The following HTR1F variants were observed in gnomAD, a reference collection of about 807,000 sequenced individuals.
HTR1F encodes 5-hydroxytryptamine receptor 1F.
HTR1F carries 17 observed loss-of-function variants against 24.0 expected under a neutral mutation model. The observed-to-expected ratio is 0.71, with a 90% CI of 0.48 to 1.06. The LOEUF is 1.06. Among genes scored for constraint, HTR1F ranks in the 50% least tolerant of loss-of-function variants. The pLI is 0.00. For missense variants in HTR1F, 391 were observed against 427.8 expected (o/e 0.91, Z 0.76); for synonymous variants, 186 against 156.8 (o/e 1.19, Z -1.39).
At chr3:87,986,751 T>C (rs1329256981) in intron 2 of HTR1F, among the ~76,000 whole-genome samples, 2 of 152,200 alleles carry the variant, frequency 1.3e-5, no homozygotes, top group African/African-American at 2.4e-5. Flanking sequence ...TGGAAAGCTA[T>C]TTTTGCTCAT....
chr3:87,882,364 C>T (rs1235393671), intron 2 of HTR1F, among the ~76,000 whole-genome samples: 2 of 152,092 alleles, frequency 1.3e-5, no homozygotes, highest in Non-Finnish European at 2.9e-5. Flanking sequence ...TGGGTATATA[C>T]CCAAAGGACT....
chr3:87,987,746 AATATATGTATTATATATATGTATTTT>A (rs1559660215), intron 2 of HTR1F, among the ~76,000 whole-genome samples: 1 of 140,168 alleles, frequency 7.1e-6, no homozygotes, highest in Non-Finnish European at 1.5e-5. Context: ...ATATATATAA[AATATATGTATTATATATATGTATTTT>A]ATATATGTAT....
chr3:87,853,099 G>T (rs1273570679), intron 2 of HTR1F, among the ~76,000 whole-genome samples: 1 of 150,172 alleles, frequency 6.7e-6, no homozygotes, highest in South Asian at 2.1e-4. Flanking sequence ...CTCCCACTCC[G>T]CTAGTTTCTT....
chr3:87,869,107 T>C (rs1705489341), intron 2 of HTR1F, among the ~76,000 whole-genome samples: 1 of 152,004 alleles, frequency 6.6e-6, no homozygotes, highest in African/African-American at 2.4e-5. Flanking sequence ...AACTTTATTG[T>C]TATCACAACC....
chr3:87,818,969 CCT>C (rs1488699413), intron 1 of HTR1F, among the ~76,000 whole-genome samples: 3 of 152,176 alleles, frequency 2.0e-5, no homozygotes, highest in Admixed American at 2.0e-4. Flanking sequence ...TACCTGCTCC[CCT>C]CTGTCTTCAG....
intron 2 of HTR1F, among the ~76,000 whole-genome samples, chr3:87,931,026 C>CT (rs34617109): frequency 0.39 from 50,721 of 129,288 alleles, 11,417 homozygotes; most frequent in South Asian, 0.59. Flanking sequence ...ATAGTCTTTC[C>CT]TTTTTTTTTT....
intron 2 of HTR1F, among the ~76,000 whole-genome samples, chr3:87,864,044 C>T (rs946064555): frequency 2.0e-5 from 3 of 152,178 alleles, no homozygotes; most frequent in Non-Finnish European, 4.4e-5. Flanking sequence ...TAGTCTTTCT[C>T]ATACTGTATC....
intron 2 of HTR1F, among the ~76,000 whole-genome samples, chr3:87,852,113 T>G (rs1004059998): frequency 4.6e-5 from 7 of 151,692 alleles, no homozygotes; most frequent in Middle Eastern, 6.3e-3. Flanking sequence ...ATTTCCCTGA[T>G]TAATATGAAT....
At chr3:87,912,976 T>C (rs1434288788) in intron 2 of HTR1F, among the ~76,000 whole-genome samples, 2 of 151,968 alleles carry the variant, frequency 1.3e-5, no homozygotes, top group Non-Finnish European at 2.9e-5. Flanking sequence ...AACCCAAAAC[T>C]ATAAAAGTCC....
In HTR1F at chr3:87,881,665, G is replaced by A. The variant is rs1705804732; in HGVS notation, c.-43+59541G>A. On this transcript the variant is annotated intron_variant, in intron 2 of 2. Coordinates refer to ENST00000319595, the MANE Select transcript of HTR1F (RefSeq NM_001322209.2). ...GAAAACTGGCTAGCCATATGTAAAA[G>A]GCTGAAAGTGGATCCCTTCCTTACA... Among the ~76,000 whole-genome samples the A allele has an allele frequency of 5.9e-5, 9 of 152,286 alleles. No individual in the cohort carries two copies. The South Asian group carries it at 1.4e-3, about 25-fold the overall frequency.
At chr3:87,823,927 C>T (rs1380959409) in intron 2 of HTR1F, among the ~76,000 whole-genome samples, 28 of 151,484 alleles carry the variant, frequency 1.8e-4, no homozygotes, top group African/African-American at 6.5e-4. Context: ...GGCATGGTGG[C>T]GCGCCTGTAG....
At chr3:87,797,905 T>C (rs1310327318) in intron 1 of HTR1F, among the ~76,000 whole-genome samples, 1 of 152,114 alleles carries the variant, frequency 6.6e-6, no homozygotes. Context: ...AACCCTTTAA[T>C]AAGTGGTAGG....
At chr3:87,804,321 C>T (rs1274912155) in intron 1 of HTR1F, among the ~76,000 whole-genome samples, 1 of 151,860 alleles carries the variant, frequency 6.6e-6, no homozygotes, top group African/African-American at 2.4e-5. Flanking sequence ...CCTGTGGTCC[C>T]AGCTATTCGG....
At chr3:87,916,417 TCTTAAAAGATACAGAA>T (rs1435534621) in intron 2 of HTR1F, among the ~76,000 whole-genome samples, 4 of 151,234 alleles carry the variant, frequency 2.6e-5, no homozygotes, top group African/African-American at 9.7e-5. Context: ...TAAAGACTCC[TCTTAAAAGATACAGAA>T]CTTCAGAATG....
chr3:87,968,643 AG>A (rs1178638654), intron 2 of HTR1F, among the ~76,000 whole-genome samples: 4 of 152,256 alleles, frequency 2.6e-5, no homozygotes, highest in African/African-American at 9.6e-5. Context: ...GAGCATTAAA[AG>A]TTTGGAAAAT....
intron 2 of HTR1F, among the ~76,000 whole-genome samples, chr3:87,869,443 A>AGATGATAGAT (rs879484093): frequency 1.7e-5 from 2 of 118,052 alleles, no homozygotes; most frequent in African/African-American, 7.7e-5. Context: ...ATACATAGAT[A>AGATGATAGAT]GATAGATAGA....
rs140806211 is a variant in HTR1F at position 87,828,831 on chromosome 3, A to C, written c.-43+6707A>C. 1.1e-3 allele frequency among the ~76,000 whole-genome samples: 167 copies of C among 152,306 alleles called. 1 individual carries two copies. The East Asian group carries it at 0.025, about 23-fold the overall frequency. On this transcript the variant is annotated intron_variant, in intron 2 of 2. Transcript: ENST00000319595. ...GTTACTTGAAAATGTAGATTAATAT[A>C]TTTAATTCAACCTTCTGGACGAAAC...
chr3:87,857,294 A>G (rs1258923029), intron 2 of HTR1F, among the ~76,000 whole-genome samples: 1 of 152,002 alleles, frequency 6.6e-6, no homozygotes, highest in Non-Finnish European at 1.5e-5. Context: ...AAAAAAAAGT[A>G]GAATACAGAT....
At chr3:87,931,821 T>C (rs1376262611) in intron 2 of HTR1F, among the ~76,000 whole-genome samples, 2 of 149,666 alleles carry the variant, frequency 1.3e-5, no homozygotes, top group African/African-American at 5.0e-5. Context: ...TTTCTTCATG[T>C]GTCTTTTGGC....
Sources: gnomAD v4.1 joint callset for allele counts (sites outside exome capture counted in the v4.1 genomes callset) on GRCh38, gnomAD v4.1.1 for gene constraint, MANE v1.5 for transcripts, NCBI Gene and HGNC (gene_info 2026-07-23, HGNC 2026-07-21) for gene names.